Variants in PCBD2 observed in about 807,000 individuals in gnomAD.
PCBD2 encodes the protein pterin-4 alpha-carbinolamine dehydratase 2, also known as pterin-4-alpha-carbinolamine dehydratase 2.
In PCBD2, 12 loss-of-function variants were observed where a neutral mutation model predicts 16.4. The observed-to-expected ratio is 0.73, with a 90% CI of 0.47 to 1.19. The LOEUF (loss-of-function observed/expected upper bound fraction) is 1.19. PCBD2 is among the 50% of genes most tolerant of loss of function. The pLI is 0.00. For synonymous variants in PCBD2, 58 were observed against 61.8 expected, an observed-to-expected ratio of 0.94 and a Z score of 0.29; for missense variants, 138 against 156.8, an observed-to-expected ratio of 0.88 and a Z score of 0.64.
intron 2 of PCBD2, among the ~76,000 whole-genome samples, chr5:134,954,777 T>C (rs1751396137): frequency 6.6e-6 from 1 of 152,072 alleles, no homozygotes. Flanking sequence ...GGTTTTGCTC[T>C]GTCACCCAGG....
At chr5:134,928,455 T>TAA (rs1380409136) in intron 2 of PCBD2, 10 of 336,472 alleles carry the variant, frequency 3.0e-5, no homozygotes, top group Non-Finnish European at 5.4e-5. Flanking sequence ...AGGATGATGA[T>TAA]TAATAAGAGG....
At chr5:134,943,159 A>G (rs1751252002) in intron 2 of PCBD2, among the ~76,000 whole-genome samples, 1 of 152,232 alleles carries the variant, frequency 6.6e-6, no homozygotes, top group Non-Finnish European at 1.5e-5. Flanking sequence ...GATTATGAGA[A>G]GGTCTGGGCT....
rs529012424 is a variant in PCBD2, at chr5:134,906,884, C to G, written c.84+1661C>G. Among the ~76,000 whole-genome samples, 4 of 152,310 alleles carry G rather than the reference C, an allele frequency of 2.6e-5. No homozygotes were observed. In the East Asian group the frequency reaches 5.8e-4, roughly 22 times the overall value. Reference sequence around the variant, plus strand: ...ACTCTCTTCAAATCCTAGCCTACCCCCCATCCCCTGAAAAAATTAAGCCCA... The same window carrying G: ...ACTCTCTTCAAATCCTAGCCTACCCGCCATCCCCTGAAAAAATTAAGCCCA... On this transcript the variant is annotated intron_variant, in intron 1 of 3. Coordinates refer to ENST00000254908, the MANE Select transcript of PCBD2 (RefSeq NM_032151.5).
At chr5:134,924,073 AATG>A (rs1750948357) in intron 2 of PCBD2, 1 of 397,308 alleles carries the variant, frequency 2.5e-6, no homozygotes. Flanking sequence ...GTTGAAATAC[AATG>A]ATGGTTTTTC....
chr5:134,949,931 A>G (rs1199990873), intron 2 of PCBD2, among the ~76,000 whole-genome samples: 1 of 152,244 alleles, frequency 6.6e-6, no homozygotes, highest in Non-Finnish European at 1.5e-5. Flanking sequence ...AGCTGAAATT[A>G]AGGTAGGTTG....
chr5:134,928,790 G>A (rs1163454199), intron 2 of PCBD2, among the ~76,000 whole-genome samples: 2 of 152,136 alleles, frequency 1.3e-5, no homozygotes, highest in Admixed American at 6.6e-5. Context: ...AGCCAAGATC[G>A]TGCCACTCCA....
chr5:134,942,295 C>CCT (rs1404331453), intron 2 of PCBD2, among the ~76,000 whole-genome samples: 18 of 152,056 alleles, frequency 1.2e-4, no homozygotes, highest in African/African-American at 3.9e-4. Context: ...CTTGAATTTG[C>CCT]ATCCCAGCCT....
intron 2 of PCBD2, among the ~76,000 whole-genome samples, chr5:134,955,028 C>A (rs1369338412): frequency 6.6e-6 from 1 of 151,974 alleles, no homozygotes; most frequent in African/African-American, 2.4e-5. Context: ...AGGTGTGAGC[C>A]ACTGTGTCTG....
intron 2 of PCBD2, 22 bp downstream of exon 2, chr5:134,910,488 T>C (rs776765620): frequency 1.2e-6 from 2 of 1,612,920 alleles, no homozygotes; most frequent in African/African-American, 2.7e-5. Context: ...AAATTCTTGC[T>C]AGGGCTGTGG....
At chr5:134,958,578 A>G (rs1334748850) in intron 2 of PCBD2, among the ~76,000 whole-genome samples, 1 of 152,192 alleles carries the variant, frequency 6.6e-6, no homozygotes, top group Admixed American at 6.5e-5. Context: ...GCTTTTGCTT[A>G]AGACACCCTC....
intron 2 of PCBD2, among the ~76,000 whole-genome samples, chr5:134,912,223 AG>A (rs1391016680): frequency 1.3e-5 from 2 of 152,218 alleles, no homozygotes; most frequent in African/African-American, 2.4e-5. Context: ...AGCTGATGTC[AG>A]GGAATGTATT....
chr5:134,922,787 C>T (rs1299130320), intron 2 of PCBD2, among the ~76,000 whole-genome samples: 4 of 151,512 alleles, frequency 2.6e-5, no homozygotes, highest in East Asian at 2.0e-4. Flanking sequence ...CTCAGCCTCC[C>T]GAGTAGCTGG....
At chr5:134,932,664 T>G (rs1183964058) in intron 2 of PCBD2, among the ~76,000 whole-genome samples, 1 of 151,836 alleles carries the variant, frequency 6.6e-6, no homozygotes, top group African/African-American at 2.4e-5. Flanking sequence ...TACTTTTTTT[T>G]GTGGAGATGG....
intron 2 of PCBD2, among the ~76,000 whole-genome samples, chr5:134,946,038 A>G (rs1406377005): frequency 2.0e-5 from 3 of 151,702 alleles, no homozygotes; most frequent in Admixed American, 1.3e-4. Context: ...AAGCCCTGGT[A>G]TTTTTCTTTA....
At chr5:134,940,331 T>G (rs972036669) in intron 2 of PCBD2, among the ~76,000 whole-genome samples, 2 of 152,200 alleles carry the variant, frequency 1.3e-5, no homozygotes, top group African/African-American at 4.8e-5. Context: ...ACCCTGTTGG[T>G]CTCCTGAGGC....
intron 2 of PCBD2, among the ~76,000 whole-genome samples, chr5:134,915,992 G>GA (rs1750827810): frequency 6.6e-6 from 1 of 151,790 alleles, no homozygotes; most frequent in Non-Finnish European, 1.5e-5. Flanking sequence ...GTGTCATATT[G>GA]GAAAAAAATT....
At chr5:134,919,849 A>G (rs1158391204) in intron 2 of PCBD2, among the ~76,000 whole-genome samples, 15 of 152,166 alleles carry the variant, frequency 9.9e-5, no homozygotes, top group Admixed American at 9.2e-4. Flanking sequence ...GCCATTATCA[A>G]TAGCTTTCGG....
At chr5:134,928,622 C>G (rs750021117) in intron 2 of PCBD2, 1 of 184,368 alleles carries the variant, frequency 5.4e-6, no homozygotes, top group Non-Finnish European at 1.1e-5. Flanking sequence ...ATCACGAGAT[C>G]AGGAGATTGA....
intron 2 of PCBD2, among the ~76,000 whole-genome samples, chr5:134,933,988 A>G (rs1580887697): frequency 1.3e-5 from 2 of 152,284 alleles, no homozygotes; most frequent in East Asian, 3.9e-4. Context: ...GTTTTTTCGG[A>G]TAAAGAAGGC....
Sources: allele counts gnomAD v4.1 joint callset (sites outside exome capture counted in the v4.1 genomes callset), GRCh38; gene constraint gnomAD v4.1.1; transcripts MANE v1.5; gene names NCBI Gene and HGNC (gene_info 2026-07-23, HGNC 2026-07-21).